RNF2: variants seen among roughly 807,000 people sequenced by gnomAD.
RNF2 encodes the protein ring finger protein 2, also known as E3 ubiquitin-protein ligase RING2.
A neutral mutation model predicts 37.2 loss-of-function variants in RNF2; 6 were observed. That is an observed-to-expected ratio of 0.16 (90% CI 0.09 to 0.32). The LOEUF is 0.32. RNF2 is among the 10% of genes least tolerant of loss of function. The pLI, the probability that RNF2 is intolerant of heterozygous loss-of-function variation, is 1.00. For synonymous variants in RNF2, 133 were observed against 132.7 expected (o/e 1.00, Z -0.02); for missense variants, 251 against 404.0 (o/e 0.62, Z 3.25).
chr1:185,058,054 G>A (rs915606883), intron 1 of RNF2, among the ~76,000 whole-genome samples: 1 of 152,148 alleles, frequency 6.6e-6, no homozygotes, highest in Non-Finnish European at 1.5e-5. Context: ...GAGCCTGGGA[G>A]GGTTGAGGCT....
rs1354233427 is a variant in RNF2 at position 185,102,295 on chromosome 1, CCAT to C, written c.*1997_*1999del. On this transcript the variant is annotated 3_prime_UTR_variant, in exon 7 of 7. Coordinates refer to ENST00000367510, the MANE Select transcript of RNF2 (RefSeq NM_007212.4). ...GTACGGGGAGAGGCGATGCTATTGG[CCAT>C]CACTACCAACCAGGGTTTCAAAAAG... 1 of 151,940 alleles carries C rather than the reference CCAT, an allele frequency of 6.6e-6. No individual in the cohort carries two copies. Among genetic ancestry groups the C allele is most frequent in the Non-Finnish European group, 1.5e-5 (1 of 67,940 alleles). 9.4% of individuals were successfully genotyped at this position (151,940 alleles called of 1,614,324 possible). A position where few individuals can be genotyped will look rare whatever the true frequency, so the allele number is the denominator to read the frequency against.
chr1:185,082,994 T>C (rs1270709701), intron 1 of RNF2, among the ~76,000 whole-genome samples: 1 of 152,178 alleles, frequency 6.6e-6, no homozygotes, highest in Non-Finnish European at 1.5e-5. Flanking sequence ...TAACCTAATA[T>C]CTACAAAGAA....
chr1:185,091,319 C>T (rs140345347), intron 2 of RNF2, among the ~76,000 whole-genome samples: 54 of 152,262 alleles, frequency 3.5e-4, no homozygotes, highest in African/African-American at 1.3e-3. Flanking sequence ...AGACTAATTT[C>T]CCACTAGTAA....
intron 4 of RNF2, among the ~76,000 whole-genome samples, chr1:185,094,915 G>C (rs1385255077): frequency 6.6e-6 from 1 of 152,116 alleles, no homozygotes; most frequent in African/African-American, 2.4e-5. Flanking sequence ...CTGAACATCA[G>C]ACTCACTCAG....
intron 2 of RNF2, among the ~76,000 whole-genome samples, chr1:185,088,674 G>A (rs895852303): frequency 2.2e-4 from 34 of 152,270 alleles, no homozygotes; most frequent in Middle Eastern, 3.4e-3. Context: ...TAACAATACA[G>A]TTGGCCCTCC....
At position 185,098,218 on chromosome 1, in the gene RNF2, G is replaced by T. The variant is rs1239265823; in HGVS notation, c.611G>T (p.Gly204Val). ...CGGACCAAAACATCTGATGATTCTGGGCTAGAGCTTGATAATAACAATGCA... is the reference window on the plus strand; with the variant it reads ...CGGACCAAAACATCTGATGATTCTGTGCTAGAGCTTGATAATAACAATGCA... ...NKRTKTSDDS[G>V]LELDNNNAAM... is the part of the protein sequence containing the mutation. Residue 204 changes from glycine (G) to valine (V), a missense_variant, in exon 5 of 7, where the codon GGG becomes GTG. By Grantham distance (109) the Gly-to-Val change is moderately radical (BLOSUM62 -3). Around this residue, in one of 7 missense-constraint regions of RNF2, gnomAD observed 94 missense variants for 99.2 expected, o/e 0.95. Coordinates refer to ENST00000367510, the MANE Select transcript of RNF2 (RefSeq NM_007212.4). The T allele has an allele frequency of 1.9e-6, 3 of 1,614,138 alleles. No individual in the cohort carries two copies. Among genetic ancestry groups the T allele is most frequent in the Non-Finnish European group, 2.5e-6 (3 of 1,180,034 alleles).
chr1:185,082,367 T>TTTTTTTTTTTTTTTTTTG (rs60213064), intron 1 of RNF2, among the ~76,000 whole-genome samples: 1 of 113,204 alleles, frequency 8.8e-6, no homozygotes, highest in African/African-American at 3.5e-5. Flanking sequence ...TTTTTTTTTT[T>TTTTTTTTTTTTTTTTTTG]GAAGACAGAG....
At chr1:185,097,562 G>T (rs540606624) in intron 4 of RNF2, among the ~76,000 whole-genome samples, 2 of 152,160 alleles carry the variant, frequency 1.3e-5, no homozygotes, top group African/African-American at 2.4e-5. Context: ...AAGAGATAGC[G>T]TCTTACTCTG....
At chr1:185,062,327 A>T (rs186098242) in intron 1 of RNF2, among the ~76,000 whole-genome samples, 2 of 152,330 alleles carry the variant, frequency 1.3e-5, no homozygotes, top group Admixed American at 1.3e-4. Flanking sequence ...CATGTTTTAC[A>T]GTTTTCAGAT....
At chr1:185,085,079 T>C (rs993052086) in intron 1 of RNF2, among the ~76,000 whole-genome samples, 1 of 152,090 alleles carries the variant, frequency 6.6e-6, no homozygotes, top group African/African-American at 2.4e-5. Flanking sequence ...TACTTTTCTT[T>C]CTGTGTTCTC....
chr1:185,067,979 G>C (rs571562321), intron 1 of RNF2, among the ~76,000 whole-genome samples: 1 of 147,614 alleles, frequency 6.8e-6, no homozygotes, highest in East Asian at 2.0e-4. Context: ...AAAGTGCTGG[G>C]ATTACAGGCA....
chr1:185,064,724 C>T (rs868610287), intron 1 of RNF2, among the ~76,000 whole-genome samples: 15 of 152,130 alleles, frequency 9.9e-5, no homozygotes, highest in Admixed American at 7.9e-4. Flanking sequence ...CATGGGATGT[C>T]TTTCCATTTA....
chr1:185,076,308 T>TTTG, intron 1 of RNF2, among the ~76,000 whole-genome samples: 1 of 113,244 alleles, frequency 8.8e-6, no homozygotes, highest in Non-Finnish European at 1.7e-5. Flanking sequence ...TTTTTTTTTT[T>TTTG]GAGACAGAGT....
chr1:185,085,145 C>CTTTTTT lies in RNF2; in HGVS notation c.-2-2391_-2-2386dup, dbSNP rs71555455. Among the ~76,000 whole-genome samples, 770 of 103,040 alleles carry CTTTTTT rather than the reference C, an allele frequency of 7.5e-3. 3 individuals are homozygous for CTTTTTT. Among genetic ancestry groups the CTTTTTT allele is most frequent in the East Asian group, 0.01 (37 of 3,668 alleles). 67.6% of individuals were successfully genotyped at this position (103,040 alleles called of 152,430 possible). ...CCATATTTGACCCTTCTTTCTTTTTCTTTTTTTTTTTTTTTTTTTTTGAGA... is the reference window on the plus strand; with the variant it reads ...CCATATTTGACCCTTCTTTCTTTTTCTTTTTTTTTTTTTTTTTTTTTTTTTTTGAGA... On this transcript the variant is annotated intron_variant, in intron 1 of 6. Transcript: ENST00000367510.
At chr1:185,093,389 A>T (rs1290551312) in intron 4 of RNF2, 113 bp downstream of exon 4, 4 of 905,678 alleles carry the variant, frequency 4.4e-6, no homozygotes, top group African/African-American at 1.7e-5. Context: ...GTACTGCATG[A>T]TTACCTTTCG....
chr1:185,052,449 T>G (rs1650299324), intron 1 of RNF2, among the ~76,000 whole-genome samples: 1 of 152,158 alleles, frequency 6.6e-6, no homozygotes, highest in Non-Finnish European at 1.5e-5. Context: ...ATATGCCAAG[T>G]GAATGAAACC....
intron 1 of RNF2, among the ~76,000 whole-genome samples, chr1:185,086,222 T>C (rs1651596816): frequency 6.6e-6 from 1 of 152,196 alleles, no homozygotes; most frequent in Non-Finnish European, 1.5e-5. Flanking sequence ...CTTTGTCTTA[T>C]CGATTGTTGT....
chr1:185,095,956 T>C (rs191274306), intron 4 of RNF2, among the ~76,000 whole-genome samples: 6 of 152,332 alleles, frequency 3.9e-5, no homozygotes, highest in African/African-American at 1.4e-4. Flanking sequence ...ATTATAGACG[T>C]GATTTGATAA....
At chr1:185,070,896 A>G (rs1650953272) in intron 1 of RNF2, among the ~76,000 whole-genome samples, 1 of 152,086 alleles carries the variant, frequency 6.6e-6, no homozygotes. Flanking sequence ...TCGGCCTCCC[A>G]AAGTGCTTGG....
Sources: allele counts gnomAD v4.1 joint callset (sites outside exome capture counted in the v4.1 genomes callset), GRCh38; gene constraint gnomAD v4.1.1; regional missense constraint gnomAD v4.1.1; transcripts MANE v1.5; gene names NCBI Gene and HGNC (gene_info 2026-07-23, HGNC 2026-07-21).